NVL: variants seen among roughly 807,000 people sequenced by gnomAD.
NVL encodes the protein nuclear VCP like.
In NVL, 84 loss-of-function variants were observed where a neutral mutation model predicts 110.2. That is an observed-to-expected ratio of 0.76 (90% CI 0.64 to 0.91). The LOEUF (loss-of-function observed/expected upper bound fraction) is 0.91. NVL is among the 40% of genes least tolerant of loss of function. NVL has a pLI of 0.00. For synonymous variants in NVL, 354 were observed against 361.1 expected, an observed-to-expected ratio of 0.98 and a Z score of 0.22; for missense variants, 882 against 1,035.9, an observed-to-expected ratio of 0.85 and a Z score of 2.04.
chr1:224,300,725 T>C, intron 9 of NVL, 62 bp from the exon 10 acceptor site: 1 of 1,264,998 alleles, frequency 7.9e-7, no homozygotes, highest in African/African-American at 1.5e-5. Flanking sequence ...CTTTTTCTTA[T>C]CCAGTCCCCT....
intron 17 of NVL, among the ~76,000 whole-genome samples, chr1:224,271,963 G>A (rs1403874303): frequency 4.6e-5 from 7 of 151,388 alleles, no homozygotes; most frequent in Middle Eastern, 3.4e-3. Flanking sequence ...GCAGTGAGCC[G>A]AGATTGCGCC....
rs1664064425 is a variant in NVL at position 224,262,201 on chromosome 1, A to G, written c.2182+5833T>C. 2.6e-5 allele frequency among the ~76,000 whole-genome samples: 4 copies of G among 152,152 alleles called. No individual in the cohort carries two copies. The South Asian group carries it at 8.3e-4, about 32-fold the overall frequency. ...AGCACACAAATTAAACAAACAAACA[A>G]AAAGTCACATAGAAGGAATGAGAAT... On this transcript the variant is annotated intron_variant, in intron 18 of 22. Transcript: ENST00000281701.
chr1:224,268,860 G>A (rs944345453), intron 17 of NVL, among the ~76,000 whole-genome samples: 5 of 150,992 alleles, frequency 3.3e-5, no homozygotes, highest in African/African-American at 7.3e-5. Context: ...GTTTCACCAC[G>A]TTGGTCAGGC....
rs376797399 is a variant in NVL, at chr1:224,275,343, C to T, written c.2078G>A (p.Arg693Gln). The T allele has an allele frequency of 1.2e-5, 19 of 1,613,998 alleles. No homozygotes were observed. Among genetic ancestry groups the T allele is most frequent in the Admixed American group, 1.7e-5 (1 of 60,008 alleles). Residue 693 changes from arginine (R) to glutamine (Q), a missense_variant, in exon 17 of 23, where the codon CGA becomes CAA. By Grantham distance (43) the Arg-to-Gln change is conservative (BLOSUM62 1). Transcript: ENST00000281701. ...CCACTAGTCCATGATACTTACCTCT[C>T]GGTCTGATCTTCGAGGACATAAAGC... Reference protein sequence around the residue: ...VDALCPRRSDRETGASVRVVN... With the variant: ...VDALCPRRSDQETGASVRVVN...
chr1:224,277,887 G>A (rs769371484), intron 16 of NVL, among the ~76,000 whole-genome samples: 2 of 152,138 alleles, frequency 1.3e-5, no homozygotes, highest in Non-Finnish European at 2.9e-5. Flanking sequence ...AGGCTTAGAA[G>A]GTCCGGGGTG....
rs148579348 is a variant in NVL, at chr1:224,264,987, C to T, written c.2182+3047G>A. Among the ~76,000 whole-genome samples the T allele has an allele frequency of 3.1e-3, 468 of 152,104 alleles. 8 individuals carry two copies. Among genetic ancestry groups the T allele is most frequent in the East Asian group, 0.028 (143 of 5,144 alleles). Reference sequence around the variant, plus strand: ...GTCTCGATCTTCTAACCTTGTGATCCGCCGGCCTCGGCCTCCCAAAGTGTT... The same window carrying T: ...GTCTCGATCTTCTAACCTTGTGATCTGCCGGCCTCGGCCTCCCAAAGTGTT... On this transcript the variant is annotated intron_variant, in intron 18 of 22. Transcript: ENST00000281701.
chr1:224,296,450 C>G, intron 11 of NVL, 51 bp downstream of exon 11: 1 of 950,764 alleles, frequency 1.1e-6, no homozygotes, highest in South Asian at 1.8e-5. Flanking sequence ...ATTAATTACA[C>G]TATTTTAAAA....
chr1:224,314,061 T>C (rs534435483), intron 4 of NVL, among the ~76,000 whole-genome samples: 1 of 152,314 alleles, frequency 6.6e-6, no homozygotes, highest in Admixed American at 6.5e-5. Context: ...AAAGATTAAA[T>C]TATAGTATAA....
At chr1:224,311,465 C>G (rs934327575) in intron 5 of NVL, among the ~76,000 whole-genome samples, 2 of 152,132 alleles carry the variant, frequency 1.3e-5, no homozygotes, top group Non-Finnish European at 2.9e-5. Flanking sequence ...ACCTCCTGGG[C>G]TCAAGTGATT....
At chr1:224,247,961 G>T (rs1394826227) in intron 19 of NVL, among the ~76,000 whole-genome samples, 1 of 152,198 alleles carries the variant, frequency 6.6e-6, no homozygotes, top group African/African-American at 2.4e-5. Flanking sequence ...CTTAGGTTGA[G>T]AACTACTAAA....
At chr1:224,310,106 GCACCACTGCACTCCAGCCTCGGTGATCA>G (rs1208940185) in intron 5 of NVL, among the ~76,000 whole-genome samples, 8 of 145,980 alleles carry the variant, frequency 5.5e-5, no homozygotes, top group African/African-American at 1.8e-4. Context: ...AGCCGAGATC[GCACCACTGCACTCCAGCCTCGGTGATCA>G]CACCACTGCA....
At chr1:224,254,572 G>GTTTTTTTTTTTT (rs71168400) in intron 18 of NVL, among the ~76,000 whole-genome samples, 4 of 134,240 alleles carry the variant, frequency 3.0e-5, no homozygotes, top group African/African-American at 5.5e-5. Flanking sequence ...TGTTTTTTTT[G>GTTTTTTTTTTTT]TTTTTTTTTT....
intron 15 of NVL, among the ~76,000 whole-genome samples, chr1:224,281,644 T>C (rs1666340473): frequency 6.6e-6 from 1 of 151,476 alleles, no homozygotes; most frequent in Admixed American, 6.6e-5. Context: ...ATATTAATAG[T>C]TACCTCTTTC....
intron 17 of NVL, chr1:224,269,615 A>G (rs966313204): frequency 6.6e-6 from 1 of 152,256 alleles, no homozygotes; most frequent in Non-Finnish European, 1.5e-5. Flanking sequence ...TCACTTAGAT[A>G]CAGAAACAAC....
rs868380636 is a variant in NVL at position 224,273,047 on chromosome 1, A to C, written c.2082+2292T>G. 4.7e-4 allele frequency among the ~76,000 whole-genome samples: 67 copies of C among 143,644 alleles called. 4 individuals are homozygous for C. Among genetic ancestry groups the C allele is most frequent in the Admixed American group, 8.8e-4 (13 of 14,726 alleles). The allele number at this position is 143,644 out of a possible 152,430, so 94.2% of individuals were successfully genotyped here. A position where few individuals can be genotyped will look rare whatever the true frequency, so the allele number is the denominator to read the frequency against. The stretch of plus-strand genomic sequence containing the variant: ...AGACTCCGTCTCAAAAAAAAACAAA[A>C]AAAACAAACAAACAAAAAAAAACAC... On this transcript the variant is annotated intron_variant, in intron 17 of 22. Coordinates refer to ENST00000281701, the MANE Select transcript of NVL (RefSeq NM_002533.4).
At chr1:224,234,500 T>G (rs969081956) in intron 20 of NVL, among the ~76,000 whole-genome samples, 1 of 151,966 alleles carries the variant, frequency 6.6e-6, no homozygotes, top group Non-Finnish European at 1.5e-5. Flanking sequence ...TCACCGAGGC[T>G]GGAGTGCAGT....
rs781625478 is a variant in NVL, at chr1:224,236,578, C to G, written c.2294G>C (p.Gly765Ala). ...ATCTGCATCCAGTGGTGGTTTGGTACCATTCTAAGTAAGAGAGAAAAATGA... is the reference window on the plus strand; with the variant it reads ...ATCTGCATCCAGTGGTGGTTTGGTAGCATTCTAAGTAAGAGAGAAAAATGA... ...LAILKTITKN[G>A]TKPPLDADVN... The change falls in exon 20 of 23, where the codon GGT (glycine) becomes GCT (alanine). Residue 765 changes from glycine to alanine, a missense_variant. Physicochemically the swap from Gly to Ala is moderately conservative, Grantham distance 60. Around this residue, in one of 4 missense-constraint regions of NVL, gnomAD observed 126 missense variants for 140.7 expected, o/e 0.90. Transcript: ENST00000281701. 6.2e-7 allele frequency: 1 copy of G among 1,612,886 alleles called. No individual in the cohort carries two copies. The highest frequency in any genetic ancestry group is 1.1e-5 in the South Asian group (1 of 91,038).
intron 19 of NVL, among the ~76,000 whole-genome samples, chr1:224,248,902 G>A (rs183075981): frequency 3.3e-5 from 5 of 152,340 alleles, no homozygotes; most frequent in Admixed American, 3.3e-4. Context: ...GGACAGAACT[G>A]GGTACAATCC....
At chr1:224,234,552 G>C (rs1660260010) in intron 20 of NVL, among the ~76,000 whole-genome samples, 1 of 151,674 alleles carries the variant, frequency 6.6e-6, no homozygotes, top group East Asian at 1.9e-4. Flanking sequence ...TCCTGGGTAT[G>C]AGTGATTCTC....
Sources: allele counts gnomAD v4.1 joint callset (sites outside exome capture counted in the v4.1 genomes callset), GRCh38; gene constraint gnomAD v4.1.1; regional missense constraint gnomAD v4.1.1; transcripts MANE v1.5; gene names NCBI Gene and HGNC (gene_info 2026-07-23, HGNC 2026-07-21).